Variants in GRID2 observed in about 807,000 individuals in gnomAD.
GRID2 encodes glutamate receptor ionotropic, delta-2.
In GRID2, 33 loss-of-function variants were observed where a neutral mutation model predicts 114.8. The ratio of observed to expected loss-of-function variants is 0.29; its 90% confidence interval spans 0.22 to 0.38. The LOEUF (loss-of-function observed/expected upper bound fraction) is 0.38, where lower values mean the gene tolerates loss of function less well. Ranked by LOEUF, GRID2 falls within the 10% of genes least tolerant of loss-of-function variation. The probability of loss-of-function intolerance (pLI) is 1.00; values close to 1 mark genes in which losing one functional copy is unlikely to be tolerated. For missense variants in GRID2, 1,184 were observed against 1,257.7 expected (o/e 0.94, Z 0.89); for synonymous variants, 505 against 449.9 (o/e 1.12, Z -1.55).
Position 93,016,038 on chromosome 4 carries a change from T to G in GRID2, c.245-68957T>G, listed in dbSNP as rs567360572. Among the ~76,000 whole-genome samples the G allele has an allele frequency of 4.2e-3, 607 of 145,504 alleles. 6 individuals carry two copies. The highest frequency in any genetic ancestry group is 6.6e-3 in the East Asian group (33 of 5,008). ...AGAGTTAAGATAATGTGTTTTTTTT[T>G]GGGGAGGGGGAAGTGTGTGTGTGAG... is the stretch of plus-strand genomic sequence containing the variant. On this transcript the variant is annotated intron_variant, in intron 2 of 15. Transcript: ENST00000282020.
rs1734293244 is a variant in GRID2, at chr4:93,774,256, A to G, written c.*1758A>G. ...GCAAAAACCATTTTGTTTCCAGGGT[A>G]ACAAGTAACTAAGTGCATGCACAAC... On this transcript the variant is annotated 3_prime_UTR_variant, in exon 16 of 16. Coordinates refer to ENST00000282020, the MANE Select transcript of GRID2 (RefSeq NM_001510.4). 6.6e-6 allele frequency: 1 copy of G among 152,112 alleles called. No individual in the cohort carries two copies. Among genetic ancestry groups the G allele is most frequent in the Admixed American group, 6.5e-5 (1 of 15,272 alleles). 9.4% of individuals were successfully genotyped at this position (152,112 alleles called of 1,614,324 possible). A position where few individuals can be genotyped will look rare whatever the true frequency, so the allele number is the denominator to read the frequency against.
chr4:92,659,345 G>C (rs574324670), intron 2 of GRID2, among the ~76,000 whole-genome samples: 56 of 151,496 alleles, frequency 3.7e-4, no homozygotes, highest in African/African-American at 1.3e-3. Flanking sequence ...GGGAAAGCTG[G>C]GTAAATACAC....
At chr4:92,851,448 T>C (rs1743782377) in intron 2 of GRID2, among the ~76,000 whole-genome samples, 1 of 151,958 alleles carries the variant, frequency 6.6e-6, no homozygotes, top group Admixed American at 6.6e-5. Context: ...TTATTTCTTA[T>C]CAGGATTACA....
intron 2 of GRID2, among the ~76,000 whole-genome samples, chr4:92,762,894 C>A (rs1225042271): frequency 6.6e-6 from 1 of 152,112 alleles, no homozygotes; most frequent in Non-Finnish European, 1.5e-5. Context: ...TTTTTCTGAC[C>A]TATGCTTTAC....
intron 13 of GRID2, among the ~76,000 whole-genome samples, chr4:93,603,827 C>T (rs897512807): frequency 6.6e-6 from 1 of 152,144 alleles, no homozygotes; most frequent in Non-Finnish European, 1.5e-5. Context: ...CTGAATGGCA[C>T]CACATCTGGT....
At chr4:92,956,387 A>G (rs1471074311) in intron 2 of GRID2, among the ~76,000 whole-genome samples, 2 of 152,164 alleles carry the variant, frequency 1.3e-5, no homozygotes, top group African/African-American at 2.4e-5. Flanking sequence ...CTCCTTATGT[A>G]TCCCTCCCTA....
At chr4:92,568,713 C>T (rs865831907) in intron 1 of GRID2, among the ~76,000 whole-genome samples, 1 of 152,000 alleles carries the variant, frequency 6.6e-6, no homozygotes, top group African/African-American at 2.4e-5. Context: ...TTCTGATCCT[C>T]TCCCTCTTCC....
At chr4:92,622,484 A>G (rs561959731) in intron 2 of GRID2, among the ~76,000 whole-genome samples, 1 of 151,862 alleles carries the variant, frequency 6.6e-6, no homozygotes, top group South Asian at 2.1e-4. Flanking sequence ...TGTACAAGAG[A>G]GTAATAAGAA....
At chr4:93,455,002 T>C (rs1303873627) in intron 10 of GRID2, among the ~76,000 whole-genome samples, 1 of 152,138 alleles carries the variant, frequency 6.6e-6, no homozygotes, top group Admixed American at 6.5e-5. Context: ...TCACTGAGAA[T>C]CTAAGAAGAC....
At chr4:92,712,257 T>C (rs1380035145) in intron 2 of GRID2, among the ~76,000 whole-genome samples, 1 of 152,210 alleles carries the variant, frequency 6.6e-6, no homozygotes, top group Non-Finnish European at 1.5e-5. Context: ...ATTTTTTATG[T>C]TAATCTTTGA....
At position 92,415,470 on chromosome 4, in the gene GRID2, C is replaced by T. The variant is rs1192257778; in HGVS notation, c.88+110726C>T. Among the ~76,000 whole-genome samples the T allele has an allele frequency of 6.6e-5, 10 of 151,628 alleles. 1 individual carries two copies. The highest frequency in any genetic ancestry group is 1.5e-5 in the Non-Finnish European group (1 of 67,896). ...GTAGTCTTTTATTCCTCACCCTCCT[C>T]CCACAGTTCCTCCCAAGTACCCAAA... is the stretch of plus-strand genomic sequence containing the variant. On this transcript the variant is annotated intron_variant, in intron 1 of 15. Coordinates refer to ENST00000282020, the MANE Select transcript of GRID2 (RefSeq NM_001510.4).
intron 2 of GRID2, among the ~76,000 whole-genome samples, chr4:93,021,828 A>G (rs1723385316): frequency 6.8e-6 from 1 of 146,736 alleles, no homozygotes; most frequent in Non-Finnish European, 1.5e-5. Flanking sequence ...TACTTATATA[A>G]TAAATATTAT....
intron 2 of GRID2, among the ~76,000 whole-genome samples, chr4:93,002,224 A>T (rs1343597145): frequency 6.6e-6 from 1 of 151,760 alleles, no homozygotes; most frequent in Non-Finnish European, 1.5e-5. Flanking sequence ...ATATGTGAAA[A>T]ATGACACCTC....
intron 2 of GRID2, among the ~76,000 whole-genome samples, chr4:93,025,222 CT>C (rs1191878559): frequency 1.3e-5 from 2 of 151,670 alleles, no homozygotes; most frequent in Admixed American, 6.6e-5. Context: ...CATTTAAGTT[CT>C]CAGCATATTT....
intron 4 of GRID2, among the ~76,000 whole-genome samples, chr4:93,143,779 G>T (rs1476035550): frequency 6.6e-6 from 1 of 152,086 alleles, no homozygotes; most frequent in Non-Finnish European, 1.5e-5. Context: ...GTTTTCAGAG[G>T]ATTATTCTAA....
At chr4:93,419,170 T>G (rs1429957650) in intron 9 of GRID2, among the ~76,000 whole-genome samples, 1 of 151,654 alleles carries the variant, frequency 6.6e-6, no homozygotes, top group African/African-American at 2.4e-5. Context: ...TTTCTTTATA[T>G]TTTTGTTGAG....
chr4:92,916,718 C>A (rs184578944), intron 2 of GRID2, among the ~76,000 whole-genome samples: 3 of 152,234 alleles, frequency 2.0e-5, no homozygotes, highest in Non-Finnish European at 4.4e-5. Context: ...GCATAGTATT[C>A]CATGGTGTAT....
intron 10 of GRID2, among the ~76,000 whole-genome samples, chr4:93,423,364 T>C (rs1289258440): frequency 1.1e-5 from 1 of 89,632 alleles, no homozygotes; most frequent in Non-Finnish European, 2.1e-5. Context: ...TTTTTTTTTT[T>C]TGAGACAGAG....
intron 1 of GRID2, among the ~76,000 whole-genome samples, chr4:92,444,227 C>A (rs1733307687): frequency 6.6e-6 from 1 of 152,254 alleles, no homozygotes; most frequent in Admixed American, 6.5e-5. Flanking sequence ...TGTGAAGAGA[C>A]CACCAAACAG....
Sources: allele counts gnomAD v4.1 joint callset (sites outside exome capture counted in the v4.1 genomes callset), GRCh38; gene constraint gnomAD v4.1.1; transcripts MANE v1.5; gene names NCBI Gene and HGNC (gene_info 2026-07-23, HGNC 2026-07-21).